The following CCDC25 variants were observed in gnomAD, a reference collection of about 807,000 sequenced individuals.
CCDC25 encodes the protein coiled-coil domain-containing protein 25.
In CCDC25, 16 loss-of-function variants were observed where a neutral mutation model predicts 35.3. The ratio of observed to expected loss-of-function variants is 0.45; its 90% CI spans 0.31 to 0.69. The LOEUF (loss-of-function observed/expected upper bound fraction) is 0.69, where lower values mean the gene tolerates loss of function less well. CCDC25 is among the 30% of genes least tolerant of loss of function. The pLI is 0.06. For missense variants in CCDC25, 179 were observed against 250.7 expected (o/e 0.71, Z 1.93); for synonymous variants, 79 against 80.3 (o/e 0.98, Z 0.09).
chr8:27,739,223 A>T (rs1803356349), intron 8 of CCDC25, among the ~76,000 whole-genome samples: 2 of 152,348 alleles, frequency 1.3e-5, no homozygotes, highest in African/African-American at 2.4e-5. Context: ...CTATTCTGGA[A>T]TTTTTCAGGA....
At chr8:27,747,873 C>T (rs1220109229) in intron 7 of CCDC25, 1 of 580,886 alleles carries the variant, frequency 1.7e-6, no homozygotes, top group Non-Finnish European at 3.0e-6. Context: ...CTTTCATATC[C>T]TGCTGCCATA....
rs113447699 is a variant in CCDC25 at position 27,735,787 on chromosome 8, A to C, written c.*429T>G. ...AAATCAGGGACAGGGAAACATTCGCATAATTACCCACCAACATGTTCTTCT... is the reference window on the plus strand; with the variant it reads ...AAATCAGGGACAGGGAAACATTCGCCTAATTACCCACCAACATGTTCTTCT... On this transcript the variant is annotated 3_prime_UTR_variant, in exon 9 of 9. Coordinates refer to ENST00000356537, the MANE Select transcript of CCDC25 (RefSeq NM_018246.3). 6.4e-6 allele frequency: 1 copy of C among 155,502 alleles called. No homozygotes were observed. Among genetic ancestry groups the C allele is most frequent in the African/African-American group, 2.4e-5 (1 of 41,518 alleles). 9.6% of individuals were successfully genotyped at this position (155,502 alleles called of 1,614,324 possible).
chr8:27,740,380 C>T (rs1803393818), intron 8 of CCDC25, 92 bp downstream of exon 8: 2 of 1,278,354 alleles, frequency 1.6e-6, no homozygotes, highest in Non-Finnish European at 2.2e-6. Context: ...CTATTTGCAA[C>T]ATGTAAGGCA....
chr8:27,742,069 C>T (rs1456482641), intron 7 of CCDC25, among the ~76,000 whole-genome samples: 4 of 152,136 alleles, frequency 2.6e-5, no homozygotes, highest in Admixed American at 6.6e-5. Context: ...AGGTTTGTAG[C>T]TTGGGCAATT....
intron 1 of CCDC25, among the ~76,000 whole-genome samples, chr8:27,770,912 TC>T (rs919382312): frequency 7.9e-5 from 12 of 152,100 alleles, no homozygotes; most frequent in South Asian, 4.2e-4. Context: ...AGTACAGTAG[TC>T]CCCCCTTATC....
At chr8:27,760,110 T>A (rs548927222) in intron 3 of CCDC25, among the ~76,000 whole-genome samples, 141 of 152,292 alleles carry the variant, frequency 9.3e-4, no homozygotes, top group African/African-American at 3.2e-3. Flanking sequence ...CAGTCATTCA[T>A]CTCAAGACTA....
At chr8:27,763,155 AT>A (rs1804283514) in intron 2 of CCDC25, among the ~76,000 whole-genome samples, 1 of 152,210 alleles carries the variant, frequency 6.6e-6, no homozygotes, top group Non-Finnish European at 1.5e-5. Flanking sequence ...TCTTATATGA[AT>A]AAACTTTTCT....
At position 27,757,250 on chromosome 8, in the gene CCDC25, T is replaced by C. The variant is rs182580742; in HGVS notation, c.117-480A>G. 4.2e-4 allele frequency among the ~76,000 whole-genome samples: 64 copies of C among 152,296 alleles called. 4 individuals are homozygous for C. The East Asian group carries it at 6.2e-3, about 15-fold the overall frequency. On this transcript the variant is annotated intron_variant, in intron 3 of 8. Coordinates refer to ENST00000356537, the MANE Select transcript of CCDC25 (RefSeq NM_018246.3). ...AGAACCACAGTTTGGCGGAAACAGA[T>C]GACAGTTTCGTTTGTGACATCCCAA...
intron 1 of CCDC25, among the ~76,000 whole-genome samples, chr8:27,765,962 T>C (rs929699200): frequency 2.0e-5 from 3 of 152,250 alleles, no homozygotes; most frequent in Admixed American, 6.5e-5. Context: ...TAGAAACAAC[T>C]ATCCTAACTC....
At chr8:27,753,985 T>C (rs1233740194) in intron 4 of CCDC25, among the ~76,000 whole-genome samples, 1 of 152,196 alleles carries the variant, frequency 6.6e-6, no homozygotes, top group African/African-American at 2.4e-5. Context: ...TTTTAAGTTA[T>C]AAAACCCAAA....
At position 27,737,873 on chromosome 8, in the gene CCDC25, T is replaced by TACACACACAC. The variant is rs1205509698; in HGVS notation, c.598-1629_598-1628insGTGTGTGTGT. ...GTGGATAAAGAAACTGTGGTGTGTG[T>TACACACACAC]ATACACACACTCACACACACACACA... On this transcript the variant is annotated intron_variant, in intron 8 of 8. Coordinates refer to ENST00000356537, the MANE Select transcript of CCDC25 (RefSeq NM_018246.3). This position sits in a 1 kb window ranked among gnomAD's most constrained non-coding sequence, Gnocchi z 4.6. Among the ~76,000 whole-genome samples the TACACACACAC allele has an allele frequency of 1.9e-5, 2 of 107,530 alleles. No homozygotes were observed. Among genetic ancestry groups the TACACACACAC allele is most frequent in the African/African-American group, 7.9e-5 (2 of 25,474 alleles). The allele number at this position is 107,530 out of a possible 152,430, so 70.5% of individuals were successfully genotyped here.
chr8:27,744,241 T>C (rs1386502017), intron 7 of CCDC25, among the ~76,000 whole-genome samples: 2 of 152,164 alleles, frequency 1.3e-5, no homozygotes. Flanking sequence ...TTATATTGAA[T>C]AAAAATTACT....
At chr8:27,763,443 C>T (rs1804292932) in intron 2 of CCDC25, among the ~76,000 whole-genome samples, 1 of 152,156 alleles carries the variant, frequency 6.6e-6, no homozygotes, top group Non-Finnish European at 1.5e-5. Context: ...CAATACTGGG[C>T]ACAGTGGCTT....
chr8:27,765,342 G>C lies in CCDC25; in HGVS notation c.29-91C>G, dbSNP rs1336553758. The C allele has an allele frequency of 3.7e-6, 4 of 1,083,832 alleles. No homozygotes were observed. In the South Asian group the frequency reaches 4.9e-5, roughly 13 times the overall value. The allele number at this position is 1,083,832 out of a possible 1,614,324, so 67.1% of individuals were successfully genotyped here. On this transcript the variant is annotated intron_variant, in intron 1 of 8. Coordinates refer to ENST00000356537, the MANE Select transcript of CCDC25 (RefSeq NM_018246.3). ...AAACAAGTGACAATTCTTAGACTAG[G>C]GGCTGGCAAACCATGGCCCATGATC...
At chr8:27,761,922 A>T (rs1804241891) in intron 3 of CCDC25, among the ~76,000 whole-genome samples, 1 of 152,230 alleles carries the variant, frequency 6.6e-6, no homozygotes, top group Non-Finnish European at 1.5e-5. Flanking sequence ...AACAGTTCAC[A>T]TAAATTGTTT....
intron 3 of CCDC25, among the ~76,000 whole-genome samples, chr8:27,757,211 C>G (rs1306774802): frequency 6.6e-6 from 1 of 152,124 alleles, no homozygotes; most frequent in Admixed American, 6.5e-5. Context: ...ATGCTGCCAG[C>G]CTGGGAGATT....
chr8:27,766,191 A>C (rs1431835409), intron 1 of CCDC25, among the ~76,000 whole-genome samples: 2 of 152,246 alleles, frequency 1.3e-5, no homozygotes, highest in African/African-American at 4.8e-5. Flanking sequence ...ATGGAGAAGT[A>C]CTGAAAAATA....
intron 3 of CCDC25, among the ~76,000 whole-genome samples, chr8:27,757,443 C>T (rs747891601): frequency 3.8e-4 from 58 of 152,164 alleles, no homozygotes; most frequent in Admixed American, 9.2e-4. Context: ...TATATTCTGA[C>T]AGTGATACCA....
chr8:27,743,355 C>A (rs954747746), intron 7 of CCDC25, among the ~76,000 whole-genome samples: 1 of 152,230 alleles, frequency 6.6e-6, no homozygotes, highest in Non-Finnish European at 1.5e-5. Flanking sequence ...TCAACCCTTG[C>A]TTAAAGCCTT....
Sources: allele counts gnomAD v4.1 joint callset (sites outside exome capture counted in the v4.1 genomes callset), GRCh38; gene constraint gnomAD v4.1.1; non-coding constraint Gnocchi (gnomAD v3.1); transcripts MANE v1.5; gene names NCBI Gene and HGNC (gene_info 2026-07-23, HGNC 2026-07-21).